The following NFIB variants were observed in gnomAD, a reference collection of about 807,000 sequenced individuals.
NFIB encodes the protein nuclear factor I B.
NFIB carries 11 observed loss-of-function variants against 61.5 expected under a neutral mutation model. The observed-to-expected ratio is 0.18, with a 90% confidence interval of 0.11 to 0.30. NFIB has a LOEUF of 0.30. NFIB is among the 10% of genes least tolerant of loss of function. The pLI, the probability that NFIB is intolerant of heterozygous loss-of-function variation, is 1.00. For missense variants in NFIB, 471 were observed against 608.9 expected (o/e 0.77, Z 2.38); for synonymous variants, 260 against 216.5 (o/e 1.20, Z -1.76).
chr9:14,304,315 A>G (rs543716060), intron 2 of NFIB, among the ~76,000 whole-genome samples: 47 of 152,366 alleles, frequency 3.1e-4, no homozygotes, highest in African/African-American at 1.1e-3. Context: ...ATGAAACTTT[A>G]GTACATGTTG....
At chr9:14,089,367 A>G (rs1364075852) in intron 10 of NFIB, among the ~76,000 whole-genome samples, 1 of 149,922 alleles carries the variant, frequency 6.7e-6, no homozygotes, top group East Asian at 1.9e-4. Flanking sequence ...AGGCTGTTAA[A>G]AAAAAAAAAA....
the NFIB span, among the ~76,000 whole-genome samples, chr9:14,415,983 G>C: frequency 6.6e-6 from 1 of 152,182 alleles, no homozygotes; most frequent in African/African-American, 2.4e-5. Context: ...TTATTATTAA[G>C]ACACCATCCG....
chr9:14,358,041 G>T (rs1442294556), intron 1 of NFIB: 1 of 152,090 alleles, frequency 6.6e-6, no homozygotes, highest in Non-Finnish European at 1.5e-5. Context: ...TTCTTTTTAG[G>T]TTGATTAAAT....
At chr9:14,531,283 T>C in the NFIB span, among the ~76,000 whole-genome samples, 1 of 152,156 alleles carries the variant, frequency 6.6e-6, no homozygotes, top group African/African-American at 2.4e-5. Context: ...TGGACAAATA[T>C]AAGAGGGGAA....
At chr9:14,323,688 G>A (rs970283729) in intron 1 of NFIB, among the ~76,000 whole-genome samples, 1 of 152,162 alleles carries the variant, frequency 6.6e-6, no homozygotes, top group Non-Finnish European at 1.5e-5. Flanking sequence ...TCTACTAAAT[G>A]TGAGCACGTC....
intron 10 of NFIB, among the ~76,000 whole-genome samples, chr9:14,111,592 A>C (rs766501255): frequency 3.3e-5 from 5 of 152,212 alleles, no homozygotes; most frequent in Non-Finnish European, 5.9e-5. Context: ...TTTAAAAAAC[A>C]CAATGGACAC....
chr9:14,304,322 G>C (rs181399589), intron 2 of NFIB, among the ~76,000 whole-genome samples: 19 of 152,368 alleles, frequency 1.2e-4, no homozygotes, highest in African/African-American at 3.8e-4. Context: ...TTTAGTACAT[G>C]TTGGTCTTTA....
intron 1 of NFIB, among the ~76,000 whole-genome samples, chr9:14,364,328 G>C (rs1457074978): frequency 2.0e-5 from 3 of 152,174 alleles, no homozygotes; most frequent in African/African-American, 7.2e-5. Context: ...AGCCAACGAA[G>C]AGATCAAAAG....
At chr9:14,387,457 A>G (rs1453096032) in intron 1 of NFIB, among the ~76,000 whole-genome samples, 2 of 152,236 alleles carry the variant, frequency 1.3e-5, no homozygotes, top group East Asian at 3.9e-4. Context: ...AATATTTGCA[A>G]TGCATATAAC....
intron 2 of NFIB, among the ~76,000 whole-genome samples, chr9:14,250,943 C>G (rs1180010544): frequency 6.6e-6 from 1 of 152,132 alleles, no homozygotes; most frequent in Non-Finnish European, 1.5e-5. Flanking sequence ...AAAATGAAAT[C>G]CATGGGTATG....
intron 1 of NFIB, among the ~76,000 whole-genome samples, chr9:14,356,004 C>T (rs979224022): frequency 2.0e-5 from 3 of 151,272 alleles, no homozygotes; most frequent in Non-Finnish European, 4.4e-5. Context: ...ATTTGCAATT[C>T]TTAAACTTTC....
In NFIB at chr9:14,380,012, A is replaced by G. The variant is rs1365248004; in HGVS notation, c.108+18512T>C. Among the ~76,000 whole-genome samples the G allele has an allele frequency of 9.2e-5, 14 of 152,200 alleles. No homozygotes were observed. The East Asian group carries it at 2.7e-3, about 29-fold the overall frequency. On this transcript the variant is annotated intron_variant, in intron 1 of 8. Transcript: ENST00000380934. ...TTTTTTTTTTTAATTGAAGAAAACAAAGTCTCATTTGACCCTTTGGGAACA... is the reference window on the plus strand; with the variant it reads ...TTTTTTTTTTTAATTGAAGAAAACAGAGTCTCATTTGACCCTTTGGGAACA...
intron 2 of NFIB, among the ~76,000 whole-genome samples, chr9:14,259,602 G>A (rs1179304381): frequency 1.3e-5 from 2 of 152,116 alleles, no homozygotes; most frequent in Admixed American, 1.3e-4. Context: ...AGGATCTTCT[G>A]TTTAAAAGGT....
chr9:14,111,045 C>T (rs1246032062), intron 10 of NFIB, among the ~76,000 whole-genome samples: 3 of 152,008 alleles, frequency 2.0e-5, no homozygotes, highest in African/African-American at 7.2e-5. Context: ...GTTGACTGAA[C>T]AAAACGTATT....
In NFIB at chr9:14,217,660, C is replaced by CAAAAA. The variant is rs34055171; in HGVS notation, c.563-37885_563-37881dup. Among the ~76,000 whole-genome samples the CAAAAA allele has an allele frequency of 3.4e-4, 28 of 81,516 alleles. 1 individual carries two copies. The highest frequency in any genetic ancestry group is 9.9e-4 in the African/African-American group (20 of 20,210). The allele number at this position is 81,516 out of a possible 152,430, so 53.5% of individuals were successfully genotyped here. On this transcript the variant is annotated intron_variant, in intron 2 of 10. Coordinates refer to ENST00000380953, the MANE Select transcript of NFIB (RefSeq NM_001190737.2). ...GGGCAACAAGAGTGAAACTCCATCT[C>CAAAAA]AAAAAAAAAAAAAAAAAAAAAGACA...
chr9:14,208,176 G>C (rs16931458), intron 2 of NFIB, among the ~76,000 whole-genome samples: 12,186 of 152,042 alleles, frequency 0.08, 1,624 homozygotes, highest in African/African-American at 0.27. Flanking sequence ...CTCAGGGTAG[G>C]CCATTTTTTT....
At chr9:14,486,280 G>A in the NFIB span, among the ~76,000 whole-genome samples, 1 of 152,150 alleles carries the variant, frequency 6.6e-6, no homozygotes, top group Non-Finnish European at 1.5e-5. Context: ...TTCTAGGGCA[G>A]AACCCTCAAG....
chr9:14,322,515 G>A (rs1458571707), intron 1 of NFIB, among the ~76,000 whole-genome samples: 1 of 152,018 alleles, frequency 6.6e-6, no homozygotes, highest in African/African-American at 2.4e-5. Flanking sequence ...GCACCCTTCC[G>A]CGCCCGGCCC....
In NFIB at chr9:14,313,787, C is replaced by A. The variant is rs2060405007; in HGVS notation, c.-276G>T. 10 of 1,294,632 alleles carry A rather than the reference C, an allele frequency of 7.7e-6. No individual in the cohort carries two copies. Among genetic ancestry groups the A allele is most frequent in the African/African-American group, 1.5e-5 (1 of 65,872 alleles). The allele number at this position is 1,294,632 out of a possible 1,614,324, so 80.2% of individuals were successfully genotyped here. A position where few individuals can be genotyped will look rare whatever the true frequency, so the allele number is the denominator to read the frequency against. The stretch of plus-strand genomic sequence containing the variant: ...GCGCGCTGGCCGTGCTTGCCGAGGC[C>A]GCCGCCGCCGCCGGTGTTGGCTGCT... On this transcript the variant is annotated 5_prime_UTR_variant, in exon 1 of 11. Coordinates refer to ENST00000380953, the MANE Select transcript of NFIB (RefSeq NM_001190737.2). The surrounding 1 kb of genome is among the most constrained non-coding windows in gnomAD (Gnocchi z 4.5).
Sources: gnomAD v4.1 joint callset for allele counts (sites outside exome capture counted in the v4.1 genomes callset) on GRCh38, gnomAD v4.1.1 for gene constraint, Gnocchi (gnomAD v3.1) non-coding constraint, MANE v1.5 for transcripts, NCBI Gene and HGNC (gene_info 2026-07-23, HGNC 2026-07-21) for gene names.